The following PPP1R16A variants were observed in gnomAD, a reference collection of about 807,000 sequenced individuals.
PPP1R16A encodes myosin phosphatase-targeting subunit 3.
In PPP1R16A, 39 loss-of-function variants were observed where a neutral mutation model predicts 46.6. The observed-to-expected ratio is 0.84, with a 90% confidence interval of 0.65 to 1.09. The LOEUF (loss-of-function observed/expected upper bound fraction) is 1.09. Ranked by LOEUF, PPP1R16A falls within the 50% of genes least tolerant of loss-of-function variation. The probability of loss-of-function intolerance (pLI) is 0.00; values close to 1 mark genes in which losing one functional copy is unlikely to be tolerated. For synonymous variants in PPP1R16A, 413 were observed against 321.5 expected (o/e 1.28, Z -3.04); for missense variants, 798 against 735.6 (o/e 1.08, Z -0.98).
At chr8:144,479,943 G>C (rs1157386281) in intron 1 of PPP1R16A, among the ~76,000 whole-genome samples, 1 of 152,240 alleles carries the variant, frequency 6.6e-6, no homozygotes, top group Non-Finnish European at 1.5e-5. Context: ...CTGTTCACTT[G>C]TTCAGCTCAC....
At position 144,500,253 on chromosome 8, in the gene PPP1R16A, C is replaced by T. The variant is rs1826347425; in HGVS notation, c.581-14C>T. 2 of 1,565,152 alleles carry T rather than the reference C, an allele frequency of 1.3e-6. No individual in the cohort carries two copies. Among genetic ancestry groups the T allele is most frequent in the African/African-American group, 2.7e-5 (2 of 73,658 alleles). ...GCTGCCGGTCGCGCTCCCTCTGAGC[C>T]TGCCGCCTCGCAGGCATCACCCAGG... On this transcript the variant is annotated splice_polypyrimidine_tract_variant and intron_variant, in intron 6 of 11. Coordinates refer to ENST00000435887, the MANE Select transcript of PPP1R16A (RefSeq NM_001329443.2).
At chr8:144,499,944 C>T in intron 5 of PPP1R16A, 152 bp from the exon 6 acceptor site, 1 of 705,366 alleles carries the variant, frequency 1.4e-6, no homozygotes, top group East Asian at 2.7e-5. Context: ...AGCCGATGGG[C>T]CCCAAGGCTG....
chr8:144,496,161 C>G (rs1826054319), intron 2 of PPP1R16A: 1 of 152,314 alleles, frequency 6.6e-6, no homozygotes, highest in Non-Finnish European at 1.5e-5. Flanking sequence ...GAGGAGCAGC[C>G]TAGCAGGGAA....
At chr8:144,494,349 T>C (rs982379167) in intron 2 of PPP1R16A, among the ~76,000 whole-genome samples, 1 of 152,038 alleles carries the variant, frequency 6.6e-6, no homozygotes. Context: ...GATCGCCCTC[T>C]GTCTGCCAGG....
Position 144,493,486 on chromosome 8 carries a change from C to T in PPP1R16A, c.-734-2975C>T, listed in dbSNP as rs1825902231. 1.3e-5 allele frequency among the ~76,000 whole-genome samples: 2 copies of T among 152,186 alleles called. No homozygotes were observed. The highest frequency in any genetic ancestry group is 6.5e-5 in the Admixed American group (1 of 15,288). On this transcript the variant is annotated intron_variant, in intron 2 of 11. Transcript: ENST00000435887. This position sits in a 1 kb window ranked among gnomAD's most constrained non-coding sequence, Gnocchi z 4.3. ...CTCTGGTGGGCTGTTCCTGGTCCAT[C>T]TTGTGGCTGGGAGGAGTAGACAAAG...
Position 144,501,168 on chromosome 8 carries a change from C to T in PPP1R16A, c.1077C>T (p.Asp359=), listed in dbSNP as rs1826432715. 1 of 1,610,894 alleles carries T rather than the reference C, an allele frequency of 6.2e-7. No individual in the cohort carries two copies. Among genetic ancestry groups the T allele is most frequent in the Non-Finnish European group, 8.5e-7 (1 of 1,179,698 alleles). The part of the protein sequence containing the change: ...VRRVSLTQRT[D]LYRKQHAQEA... ...GGGTGAGCCTAACCCAGCGCACCGA[C>T]CTGTACCGCAAGCAGCACGCCCAGG... The change falls in exon 11 of 12, where the codon GAC becomes GAT. Residue 359 remains aspartate, a synonymous_variant. Coordinates refer to ENST00000435887, the MANE Select transcript of PPP1R16A (RefSeq NM_001329443.2).
In PPP1R16A at chr8:144,500,970, G is replaced by C. The variant is rs970518854; in HGVS notation, c.1036G>C (p.Gly346Arg). Residue 346 changes from glycine (G) to arginine (R), a missense_variant and splice_region_variant, in exon 10 of 12, where the codon GGG becomes CGG. Physicochemically the swap from Gly to Arg is moderately radical, Grantham distance 125. Coordinates refer to ENST00000435887, the MANE Select transcript of PPP1R16A (RefSeq NM_001329443.2). The stretch of plus-strand genomic sequence containing the variant: ...CCGCACCTCCAGCGCCGGCAGCCGC[G>C]GGTGAGCGCCGCCCCCAGCAGGCCC... The part of the protein sequence containing the change: ...RRRTSSAGSR[G>R]KVVRRVSLTQ... 1 of 1,452,248 alleles carries C rather than the reference G, an allele frequency of 6.9e-7. No individual in the cohort carries two copies. 90.0% of individuals were successfully genotyped at this position (1,452,248 alleles called of 1,614,324 possible).
intron 2 of PPP1R16A, among the ~76,000 whole-genome samples, chr8:144,492,480 C>A (rs1007908441): frequency 6.6e-6 from 1 of 151,900 alleles, no homozygotes; most frequent in African/African-American, 2.4e-5. Flanking sequence ...GGACTACAGG[C>A]GCCTGCCACC....
At chr8:144,489,431 A>C (rs1466598879) in intron 1 of PPP1R16A, among the ~76,000 whole-genome samples, 9 of 151,282 alleles carry the variant, frequency 5.9e-5, no homozygotes, top group African/African-American at 2.2e-4. Context: ...TGAGCTGCAC[A>C]CTGGGCCCTG....
chr8:144,498,633 C>G, intron 3 of PPP1R16A, 137 bp from the exon 4 acceptor site: 1 of 814,436 alleles, frequency 1.2e-6, no homozygotes. Context: ...CTTCTGCCCC[C>G]ACCCCTGGGC....
chr8:144,480,402 C>A (rs902244415), intron 1 of PPP1R16A, among the ~76,000 whole-genome samples: 4 of 152,182 alleles, frequency 2.6e-5, no homozygotes, highest in African/African-American at 9.7e-5. Flanking sequence ...GCAACCTCTG[C>A]CTCCCGCGTT....
chr8:144,483,970 T>C (rs1329190204), intron 1 of PPP1R16A, among the ~76,000 whole-genome samples: 1 of 152,246 alleles, frequency 6.6e-6, no homozygotes, highest in African/African-American at 2.4e-5. Context: ...TGGCTGACTG[T>C]GAGCTCTCTT....
intron 1 of PPP1R16A, among the ~76,000 whole-genome samples, chr8:144,486,734 C>T (rs2721186): frequency 0.011 from 1,704 of 152,214 alleles, 38 homozygotes; most frequent in African/African-American, 0.038. Flanking sequence ...TTTTGAGACT[C>T]GTGTGTTCTT....
Position 144,500,106 on chromosome 8 carries a change from C to A in PPP1R16A, c.487C>A (p.Leu163Ile). ...CCGTCTTCCCTGCAGTGGCGCCAATCTCCTGGCGGTCAACACCGACGGGAA... is the reference window on the plus strand; with the variant it reads ...CCGTCTTCCCTGCAGTGGCGCCAATATCCTGGCGGTCAACACCGACGGGAA... ...VELLIASGAN[L>I]LAVNTDGNMP... is the part of the protein sequence containing the mutation. The change falls in exon 6 of 12, where the codon CTC becomes ATC. Residue 163 changes from leucine to isoleucine, a missense_variant. Coordinates refer to ENST00000435887, the MANE Select transcript of PPP1R16A (RefSeq NM_001329443.2). 1 of 1,609,712 alleles carries A rather than the reference C, an allele frequency of 6.2e-7. No homozygotes were observed. The highest frequency in any genetic ancestry group is 8.5e-7 in the Non-Finnish European group (1 of 1,178,156).
In PPP1R16A at chr8:144,501,978, G is replaced by A. The variant is rs921383232; in HGVS notation, c.*75G>A. 2.0e-5 allele frequency: 28 copies of A among 1,408,482 alleles called. No individual in the cohort carries two copies. The highest frequency in any genetic ancestry group is 1.7e-4 in the Admixed American group (6 of 36,236). The allele number at this position is 1,408,482 out of a possible 1,614,324, so 87.2% of individuals were successfully genotyped here. On this transcript the variant is annotated 3_prime_UTR_variant, in exon 12 of 12. Transcript: ENST00000435887. ...GCCTCCCCACGGTGCGTGCCCTGGT[G>A]CTGCGGGTGCAGCACGGAAACCCCG...
Position 144,500,581 on chromosome 8 carries a change from A to G in PPP1R16A, c.800A>G (p.Glu267Gly), listed in dbSNP as rs1450516711. 1.3e-6 allele frequency: 2 copies of G among 1,598,942 alleles called. No homozygotes were observed. The change falls in exon 8 of 12, where the codon GAG (glutamate) becomes GGG (glycine). Residue 267 changes from glutamate to glycine, a missense_variant. Glu to Gly is a moderately conservative substitution (Grantham distance 98). Transcript: ENST00000435887. The part of the protein sequence containing the change: ...SLSAKDQDGW[E>G]PLHAAAYWGQ... Reference sequence around the variant, plus strand: ...AGCGCTAAGGACCAAGACGGCTGGGAGCCGCTGCACGCCGCGGCCTACTGG... The same window carrying G: ...AGCGCTAAGGACCAAGACGGCTGGGGGCCGCTGCACGCCGCGGCCTACTGG...
In PPP1R16A at chr8:144,500,168, G is replaced by A. The variant is rs1035445995; in HGVS notation, c.549G>A (p.Leu183=). The stretch of plus-strand genomic sequence containing the variant: ...ACCTGTGTGATGATGAGCAGACGCT[G>A]GACTGCCTGGAGACTGCCATGGCCG... ...PYDLCDDEQT[L]DCLETAMADR... is the part of the protein sequence containing the mutation. The change falls in exon 6 of 12, where the codon CTG becomes CTA. Residue 183 remains leucine, a synonymous_variant. Transcript: ENST00000435887. The A allele has an allele frequency of 1.2e-6, 2 of 1,611,500 alleles. No individual in the cohort carries two copies. The highest frequency in any genetic ancestry group is 1.7e-6 in the Non-Finnish European group (2 of 1,179,034).
chr8:144,486,317 C>T (rs1297865576), intron 1 of PPP1R16A, among the ~76,000 whole-genome samples: 1 of 152,182 alleles, frequency 6.6e-6, no homozygotes, highest in Admixed American at 6.5e-5. Flanking sequence ...CCCGCCTGCC[C>T]CAGCCTCCGA....
chr8:144,491,909 G>A (rs1825825073), intron 2 of PPP1R16A, among the ~76,000 whole-genome samples: 1 of 152,238 alleles, frequency 6.6e-6, no homozygotes. Flanking sequence ...CCCAGCCTGG[G>A]CAATAGAGTG....
Sources: allele counts gnomAD v4.1 joint callset (sites outside exome capture counted in the v4.1 genomes callset), GRCh38; gene constraint gnomAD v4.1.1; non-coding constraint Gnocchi (gnomAD v3.1); transcripts MANE v1.5; gene names NCBI Gene and HGNC (gene_info 2026-07-23, HGNC 2026-07-21).